GIPC3: variants seen among roughly 807,000 people sequenced by gnomAD.
GIPC3 encodes the protein GIPC PDZ domain containing family member 3.
GIPC3 carries 16 observed loss-of-function variants against 27.3 expected under a neutral mutation model. That is an observed-to-expected ratio of 0.59 (90% CI 0.40 to 0.89). GIPC3 has a LOEUF of 0.89. Ranked by LOEUF, GIPC3 falls within the 40% of genes least tolerant of loss-of-function variation. The pLI is 0.00. For missense variants in GIPC3, 440 were observed against 442.1 expected (o/e 1.00, Z 0.04); for synonymous variants, 194 against 184.6 (o/e 1.05, Z -0.41).
At position 3,589,567 on chromosome 19, in the gene GIPC3, G is replaced by A. The variant is rs2032441965; in HGVS notation, c.705+12G>A. The stretch of plus-strand genomic sequence containing the variant: ...CAGTGGAGGAAGCGGTGAGTGAAGG[G>A]GAGGGGCTCTCCCCAGGCTTCTGCA... On this transcript the variant is annotated intron_variant, in intron 4 of 5. Coordinates refer to ENST00000644452, the MANE Select transcript of GIPC3 (RefSeq NM_133261.3). 2 of 1,600,334 alleles carry A rather than the reference G, an allele frequency of 1.2e-6. No individual in the cohort carries two copies. Among genetic ancestry groups the A allele is most frequent in the Non-Finnish European group, 1.7e-6 (2 of 1,167,810 alleles).
rs1268827971 is a variant in GIPC3 at position 3,587,691 on chromosome 19, TTTTC to T, written c.592+701_592+704del. Reference sequence around the variant, plus strand: ...TTTTTTTCCTTTCTTTTTTCTTTTCTTTTCTTTTTTTTTTTTTGAGACGGAGTCT... The same window carrying T: ...TTTTTTTCCTTTCTTTTTTCTTTTCTTTTTTTTTTTTTTGAGACGGAGTCT... On this transcript the variant is annotated intron_variant, in intron 3 of 5. Transcript: ENST00000644452. Among the ~76,000 whole-genome samples, 387 of 132,148 alleles carry T rather than the reference TTTTC, an allele frequency of 2.9e-3. 1 individual carries two copies. The highest frequency in any genetic ancestry group is 0.012 in the African/African-American group (371 of 30,792). 86.7% of individuals were successfully genotyped at this position (132,148 alleles called of 152,430 possible). A position where few individuals can be genotyped will look rare whatever the true frequency, so the allele number is the denominator to read the frequency against.
rs374671510 is a variant in GIPC3, at chr19:3,587,273, T to C, written c.592+279T>C. 3.2e-3 allele frequency among the ~76,000 whole-genome samples: 486 copies of C among 151,712 alleles called. 3 individuals are homozygous for C. The highest frequency in any genetic ancestry group is 0.011 in the African/African-American group (446 of 41,310). On this transcript the variant is annotated intron_variant, in intron 3 of 5. Transcript: ENST00000644452. ...GGAGCCAGGCTGGGAGACTTGTTTT[T>C]GTTTGTTTGTTTGTTTGTTTGTTTT... is the stretch of plus-strand genomic sequence containing the variant.
Position 3,586,544 on chromosome 19 carries a change from T to TA in GIPC3, c.275_276insA (p.Gln95SerfsTer23). ...CACAAAGTGGACATGCAGAAGCTCC[T>TA]GGGGGGTCAGATAGGCCTGGAGGAC... On this transcript the variant is annotated frameshift_variant, in exon 2 of 6. Coordinates refer to ENST00000644452, the MANE Select transcript of GIPC3 (RefSeq NM_133261.3). LOFTEE classifies it high-confidence loss of function. 6.2e-7 allele frequency: 1 copy of TA among 1,613,868 alleles called. No homozygotes were observed. Among genetic ancestry groups the TA allele is most frequent in the South Asian group, 1.1e-5 (1 of 91,086 alleles).
intron 4 of GIPC3, 77 bp from the exon 5 acceptor site, chr19:3,589,754 G>T (rs2145274068): frequency 7.1e-7 from 1 of 1,409,076 alleles, no homozygotes; most frequent in Non-Finnish European, 1.0e-6. Flanking sequence ...CTTCCCTTAG[G>T]GGTGGGGGTC....
Position 3,592,581 on chromosome 19 carries a change from G to A in GIPC3, c.*2391G>A. The A allele has an allele frequency of 8.1e-7, 1 of 1,231,294 alleles. No individual in the cohort carries two copies. The highest frequency in any genetic ancestry group is 1.0e-6 in the Non-Finnish European group (1 of 987,792). 76.3% of individuals were successfully genotyped at this position (1,231,294 alleles called of 1,614,324 possible). A position where few individuals can be genotyped will look rare whatever the true frequency, so the allele number is the denominator to read the frequency against. The stretch of plus-strand genomic sequence containing the variant: ...TCCTGAGACCAGGCTCAGCTCTGAG[G>A]CTCAGTCCAGCTCTGGAACCCAGTT... On this transcript the variant is annotated 3_prime_UTR_variant, in exon 6 of 6. Coordinates refer to ENST00000644452, the MANE Select transcript of GIPC3 (RefSeq NM_133261.3).
chr19:3,591,771 A>G lies in GIPC3; in HGVS notation c.*1581A>G. On this transcript the variant is annotated 3_prime_UTR_variant, in exon 6 of 6. Coordinates refer to ENST00000644452, the MANE Select transcript of GIPC3 (RefSeq NM_133261.3). ...CTCTAGAACCTCGCCTAGTGCTACA[A>G]CCAGGCCCAACTCCAGGATTCAGAC... 1 of 1,233,188 alleles carries G rather than the reference A, an allele frequency of 8.1e-7. No individual in the cohort carries two copies. Among genetic ancestry groups the G allele is most frequent in the Non-Finnish European group, 1.0e-6 (1 of 988,850 alleles). The allele number at this position is 1,233,188 out of a possible 1,614,324, so 76.4% of individuals were successfully genotyped here.
In GIPC3 at chr19:3,586,894, C is replaced by T. The variant is rs752487135; in HGVS notation, c.492C>T (p.Ser164=). 3 of 1,613,106 alleles carry T rather than the reference C, an allele frequency of 1.9e-6. No individual in the cohort carries two copies. Among genetic ancestry groups the T allele is most frequent in the Admixed American group, 3.3e-5 (2 of 59,994 alleles). ...GDSIEAINDH[S]IVGCRHYEVA... is the part of the protein sequence containing the mutation. Reference sequence around the variant, plus strand: ...GCATCGAAGCCATCAACGACCACTCCATTGTGGGCTGCCGCCACTACGAGG... The same window carrying T: ...GCATCGAAGCCATCAACGACCACTCTATTGTGGGCTGCCGCCACTACGAGG... The change falls in exon 3 of 6, where the codon TCC becomes TCT. Residue 164 remains serine (S), a synonymous_variant. Transcript: ENST00000644452.
intron 3 of GIPC3, 70 bp downstream of exon 3, chr19:3,587,064 CG>C (rs1303641631): frequency 6.9e-7 from 1 of 1,451,404 alleles, no homozygotes; most frequent in Non-Finnish European, 9.4e-7. Flanking sequence ...GGAGGAGGGT[CG>C]GGGATGGGAC....
chr19:3,586,289 G>A (rs1433271299), intron 1 of GIPC3, among the ~76,000 whole-genome samples: 1 of 152,058 alleles, frequency 6.6e-6, no homozygotes, highest in African/African-American at 2.4e-5. Context: ...GGAGGTCTGG[G>A]GGCTGGAGGT....
Position 3,585,583 on chromosome 19 carries a change from C to G in GIPC3, c.-15C>G, listed in dbSNP as rs1214727223. The G allele has an allele frequency of 8.7e-7, 1 of 1,147,542 alleles. No homozygotes were observed. Among genetic ancestry groups the G allele is most frequent in the Non-Finnish European group, 1.1e-6 (1 of 934,442 alleles). The allele number at this position is 1,147,542 out of a possible 1,614,324, so 71.1% of individuals were successfully genotyped here. The stretch of plus-strand genomic sequence containing the variant: ...GGCGGCGAGGGCCCGGGTGGGTGGC[C>G]GAACTTCTCCCGCCATGGAGGGAGC... On this transcript the variant is annotated 5_prime_UTR_variant, in exon 1 of 6. Transcript: ENST00000644452.
Position 3,589,862 on chromosome 19 carries a change from A to C in GIPC3, c.737A>C (p.Lys246Thr), listed in dbSNP as rs749169212. The change falls in exon 5 of 6, where the codon AAG becomes ACG. Residue 246 changes from lysine (K) to threonine (T), a missense_variant. Lys to Thr is a moderately conservative substitution (Grantham distance 78). Coordinates refer to ENST00000644452, the MANE Select transcript of GIPC3 (RefSeq NM_133261.3). ...GAGTTTGAGGAGGAGGCATCTCGGAAGGTTGATGACCTGCTGGAAAGCTAC... is the reference window on the plus strand; with the variant it reads ...GAGTTTGAGGAGGAGGCATCTCGGACGGTTGATGACCTGCTGGAAAGCTAC... ...PSEFEEEASR[K>T]VDDLLESYMG... 6.2e-7 allele frequency: 1 copy of C among 1,613,840 alleles called. No individual in the cohort carries two copies. The highest frequency in any genetic ancestry group is 8.5e-7 in the Non-Finnish European group (1 of 1,179,998).
At position 3,586,544 on chromosome 19, in the gene GIPC3, TG is replaced by T. The variant is rs750147424; in HGVS notation, c.281del (p.Gly94ValfsTer3). The T allele has an allele frequency of 2.5e-6, 4 of 1,613,866 alleles. No homozygotes were observed. Among genetic ancestry groups the T allele is most frequent in the Non-Finnish European group, 1.7e-6 (2 of 1,179,962 alleles). On this transcript the variant is annotated frameshift_variant, in exon 2 of 6. Transcript: ENST00000644452. LOFTEE classifies it high-confidence loss of function. ...CACAAAGTGGACATGCAGAAGCTCC[TG>T]GGGGGTCAGATAGGCCTGGAGGACT... is the stretch of plus-strand genomic sequence containing the variant. ...NSHKVDMQKL[L>X]GGQIGLEDFI... is the part of the protein sequence containing the mutation.
chr19:3,585,871 A>G, intron 1 of GIPC3, 49 bp downstream of exon 1: 1 of 1,520,248 alleles, frequency 6.6e-7, no homozygotes, highest in Non-Finnish European at 8.8e-7. Flanking sequence ...TGATGGGGTG[A>G]GGGGTAGGGA....
Position 3,589,884 on chromosome 19 carries a change from C to A in GIPC3, c.759C>A (p.Ser253Arg). Residue 253 changes from serine to arginine, a missense_variant, in exon 5 of 6, where the codon AGC becomes AGA. By Grantham distance (110) the Ser-to-Arg change is moderately radical. Coordinates refer to ENST00000644452, the MANE Select transcript of GIPC3 (RefSeq NM_133261.3). Reference sequence around the variant, plus strand: ...GGAAGGTTGATGACCTGCTGGAAAGCTACATGGGCATTCGGGACCCCGAGC... The same window carrying A: ...GGAAGGTTGATGACCTGCTGGAAAGATACATGGGCATTCGGGACCCCGAGC... Reference protein sequence around the residue: ...ASRKVDDLLESYMGIRDPELA... With the variant: ...ASRKVDDLLERYMGIRDPELA... The A allele has an allele frequency of 6.2e-7, 1 of 1,613,884 alleles. No homozygotes were observed.
intron 3 of GIPC3, among the ~76,000 whole-genome samples, chr19:3,588,054 G>A (rs1232104523): frequency 6.7e-6 from 1 of 150,328 alleles, no homozygotes; most frequent in Non-Finnish European, 1.5e-5. Flanking sequence ...GCCCAGGCTG[G>A]AGTGCAATGG....
At position 3,593,125 on chromosome 19, in the gene GIPC3, T is replaced by A. The variant is rs1368584570; in HGVS notation, c.*2935T>A. ...CCAGCCGTCTCTCCCAAGCCCCGGG[T>A]GGGACCCCAGAAGTCCACCCCACCC... On this transcript the variant is annotated 3_prime_UTR_variant, in exon 6 of 6. Transcript: ENST00000644452. 4.8e-5 allele frequency: 59 copies of A among 1,231,940 alleles called. No individual in the cohort carries two copies. The highest frequency in any genetic ancestry group is 5.9e-5 in the Non-Finnish European group (58 of 988,166). 76.3% of individuals were successfully genotyped at this position (1,231,940 alleles called of 1,614,324 possible).
At position 3,593,482 on chromosome 19, in the gene GIPC3, G is replaced by C. The variant is rs1015118354; in HGVS notation, c.*3292G>C. On this transcript the variant is annotated 3_prime_UTR_variant, in exon 6 of 6. Transcript: ENST00000644452. ...TGGAGGGAAAAGGAGGGCAGGAGAC[G>C]GGTTGCACCGCATGTACCCTGAGGG... 1 of 430,598 alleles carries C rather than the reference G, an allele frequency of 2.3e-6. No homozygotes were observed. The highest frequency in any genetic ancestry group is 2.0e-5 in the African/African-American group (1 of 49,276). 26.7% of individuals were successfully genotyped at this position (430,598 alleles called of 1,614,324 possible).
Position 3,591,042 on chromosome 19 carries a change from A to G in GIPC3, c.*852A>G, listed in dbSNP as rs1350235273. ...CCAGATAAGCTCTGAAACCAAGCCCAGCATAGAGACCAAGCCGTGTTCTAG... is the reference window on the plus strand; with the variant it reads ...CCAGATAAGCTCTGAAACCAAGCCCGGCATAGAGACCAAGCCGTGTTCTAG... On this transcript the variant is annotated 3_prime_UTR_variant, in exon 6 of 6. Coordinates refer to ENST00000644452, the MANE Select transcript of GIPC3 (RefSeq NM_133261.3). The G allele has an allele frequency of 3.2e-6, 4 of 1,233,220 alleles. No individual in the cohort carries two copies. The highest frequency in any genetic ancestry group is 4.0e-6 in the Non-Finnish European group (4 of 989,280). 76.4% of individuals were successfully genotyped at this position (1,233,220 alleles called of 1,614,324 possible).
chr19:3,585,674 A>G lies in GIPC3; in HGVS notation c.77A>G (p.Glu26Gly). The G allele has an allele frequency of 2.3e-6, 3 of 1,305,102 alleles. No individual in the cohort carries two copies. The highest frequency in any genetic ancestry group is 2.9e-6 in the Non-Finnish European group (3 of 1,023,532). The allele number at this position is 1,305,102 out of a possible 1,614,324, so 80.8% of individuals were successfully genotyped here. A position where few individuals can be genotyped will look rare whatever the true frequency, so the allele number is the denominator to read the frequency against. The change falls in exon 1 of 6, where the codon GAG (glutamate) becomes GGG (glycine). Residue 26 changes from glutamate (E) to glycine (G), a missense_variant. By Grantham distance (98) the Glu-to-Gly change is moderately conservative (BLOSUM62 -2). Transcript: ENST00000644452. The stretch of plus-strand genomic sequence containing the variant: ...TCTGCGCCCCCGCCCGCGCCCTCGG[A>G]GCCCCCGGCCGCGCCCCGCGCCCGC... ...RASAPPPAPS[E>G]PPAAPRARPR... is the part of the protein sequence containing the mutation.
Sources: allele counts gnomAD v4.1 joint callset (sites outside exome capture counted in the v4.1 genomes callset), GRCh38; gene constraint gnomAD v4.1.1; transcripts MANE v1.5; gene names NCBI Gene and HGNC (gene_info 2026-07-23, HGNC 2026-07-21).